The following ATP8A1 variants were observed in gnomAD, a reference collection of about 807,000 sequenced individuals.
ATP8A1 encodes ATPase phospholipid transporting 8A1, also known as phospholipid-transporting ATPase IA.
A neutral mutation model predicts 177.7 loss-of-function variants in ATP8A1; 90 were observed. The observed-to-expected ratio is 0.51, with a 90% CI of 0.43 to 0.60. The LOEUF (loss-of-function observed/expected upper bound fraction) is 0.60. ATP8A1 is among the 20% of genes least tolerant of loss of function. The pLI, the probability that ATP8A1 is intolerant of heterozygous loss-of-function variation, is 0.00. For missense variants in ATP8A1, 1,072 were observed against 1,392.8 expected, an observed-to-expected ratio of 0.77 and a Z score of 3.67; for synonymous variants, 493 against 485.9, an observed-to-expected ratio of 1.01 and a Z score of -0.19.
chr4:42,480,338 TTCAG>T (rs1290489124), intron 25 of ATP8A1, among the ~76,000 whole-genome samples: 2 of 152,192 alleles, frequency 1.3e-5, no homozygotes, highest in African/African-American at 4.8e-5. Flanking sequence ...ATAAAGTGTA[TTCAG>T]TGTGTCCTCT....
chr4:42,575,761 A>G, intron 12 of ATP8A1, 62 bp from the exon 13 acceptor site: 1 of 1,363,594 alleles, frequency 7.3e-7, no homozygotes, highest in African/African-American at 1.4e-5. Context: ...GTGAAACTTT[A>G]AAAGAAAACA....
chr4:42,564,095 G>C (rs925785824), intron 15 of ATP8A1, among the ~76,000 whole-genome samples: 4 of 152,148 alleles, frequency 2.6e-5, no homozygotes, highest in Non-Finnish European at 5.9e-5. Flanking sequence ...ATTCTGTCTG[G>C]GGTTGCGGGG....
intron 27 of ATP8A1, among the ~76,000 whole-genome samples, chr4:42,456,984 A>G (rs1718558117): frequency 6.6e-6 from 1 of 152,338 alleles, no homozygotes; most frequent in Admixed American, 6.5e-5. Context: ...GAGCATGTAT[A>G]AAAACTAATG....
chr4:42,444,469 G>A, intron 32 of ATP8A1, 109 bp downstream of exon 32: 1 of 1,033,804 alleles, frequency 9.7e-7, no homozygotes, highest in Non-Finnish European at 1.4e-6. Context: ...TGTGGACTAG[G>A]ACATATTAAC....
intron 17 of ATP8A1, 51 bp downstream of exon 17, chr4:42,552,454 A>G: frequency 7.0e-7 from 1 of 1,435,020 alleles, no homozygotes; most frequent in Non-Finnish European, 9.7e-7. Context: ...TGACTTTTAC[A>G]TTCAGAACAA....
chr4:42,604,303 C>T (rs949558279), intron 5 of ATP8A1, among the ~76,000 whole-genome samples: 4 of 152,182 alleles, frequency 2.6e-5, no homozygotes, highest in African/African-American at 9.7e-5. Context: ...CACAGTTTTA[C>T]TGTATACTTA....
intron 33 of ATP8A1, among the ~76,000 whole-genome samples, chr4:42,425,537 A>T (rs1466859178): frequency 6.6e-6 from 1 of 151,992 alleles, no homozygotes; most frequent in Non-Finnish European, 1.5e-5. Flanking sequence ...AAAGACAGAG[A>T]GTCTCTTTGT....
At chr4:42,583,025 C>T (rs1241116682) in intron 9 of ATP8A1, among the ~76,000 whole-genome samples, 1 of 152,032 alleles carries the variant, frequency 6.6e-6, no homozygotes. Flanking sequence ...AAGAAGGAAA[C>T]AATTCCACAA....
Position 42,413,004 on chromosome 4 carries a change from G to A in ATP8A1, c.3407C>T (p.Ala1136Val). Reference sequence around the variant, plus strand: ...GATTCCATTTTCATCTTGAGAGAACGCATACCCATCTGTAGGTTAATGATA... The same window carrying A: ...GATTCCATTTTCATCTTGAGAGAACACATACCCATCTGTAGGTTAATGATA... ...SLQQNLLHGY[A>V]FSQDENGIVS... Residue 1136 changes from alanine (A) to valine (V), a missense_variant, in exon 37 of 37, where the codon GCG becomes GTG. By Grantham distance (64) the Ala-to-Val change is moderately conservative. Coordinates refer to ENST00000381668, the MANE Select transcript of ATP8A1 (RefSeq NM_006095.2). 1 of 1,612,574 alleles carries A rather than the reference G, an allele frequency of 6.2e-7. No homozygotes were observed. Among genetic ancestry groups the A allele is most frequent in the East Asian group, 2.2e-5 (1 of 44,864 alleles).
At chr4:42,502,467 G>A (rs1723950954) in intron 24 of ATP8A1, among the ~76,000 whole-genome samples, 1 of 152,124 alleles carries the variant, frequency 6.6e-6, no homozygotes. Context: ...AAAGATGATG[G>A]CAAGAATAAG....
intron 35 of ATP8A1, among the ~76,000 whole-genome samples, chr4:42,417,176 T>A (rs1039016026): frequency 1.3e-5 from 2 of 152,178 alleles, no homozygotes; most frequent in Non-Finnish European, 2.9e-5. Context: ...TCTTACACCT[T>A]TGGGGAACTA....
At chr4:42,474,920 A>G (rs1720881533) in intron 25 of ATP8A1, among the ~76,000 whole-genome samples, 1 of 152,190 alleles carries the variant, frequency 6.6e-6, no homozygotes, top group African/African-American at 2.4e-5. Flanking sequence ...AAAAAGAAAC[A>G]AAATCATAAT....
At chr4:42,583,260 T>C (rs551178622) in intron 9 of ATP8A1, among the ~76,000 whole-genome samples, 1 of 152,186 alleles carries the variant, frequency 6.6e-6, no homozygotes, top group Non-Finnish European at 1.5e-5. Flanking sequence ...TGTATTCCAA[T>C]TTAGAGAAAG....
intron 27 of ATP8A1, among the ~76,000 whole-genome samples, chr4:42,462,590 G>T (rs1719293739): frequency 6.6e-6 from 1 of 152,254 alleles, no homozygotes; most frequent in Admixed American, 6.5e-5. Flanking sequence ...TTTGCTGCAG[G>T]GGCAGGGCTC....
At chr4:42,638,098 C>T (rs974269523) in intron 1 of ATP8A1, among the ~76,000 whole-genome samples, 12 of 152,150 alleles carry the variant, frequency 7.9e-5, no homozygotes, top group Non-Finnish European at 1.6e-4. Context: ...CTTCTGTGCA[C>T]TAAATGTTTG....
At chr4:42,608,946 A>C (rs1736096901) in intron 5 of ATP8A1, among the ~76,000 whole-genome samples, 1 of 152,220 alleles carries the variant, frequency 6.6e-6, no homozygotes, top group African/African-American at 2.4e-5. Flanking sequence ...AGTGTGGCAC[A>C]AACTGACATG....
chr4:42,438,532 A>C (rs916796066), intron 33 of ATP8A1, among the ~76,000 whole-genome samples: 8 of 152,168 alleles, frequency 5.3e-5, no homozygotes, highest in African/African-American at 1.9e-4. Context: ...TTCTCTAAAT[A>C]GGGTTGAGGG....
chr4:42,626,735 A>G lies in ATP8A1; in HGVS notation c.164+260T>C, dbSNP rs987649475. 4 of 481,414 alleles carry G rather than the reference A, an allele frequency of 8.3e-6. No individual in the cohort carries two copies. The Admixed American group carries it at 1.0e-4, about 12-fold the overall frequency. 29.8% of individuals were successfully genotyped at this position (481,414 alleles called of 1,614,324 possible). On this transcript the variant is annotated intron_variant, in intron 2 of 36. Transcript: ENST00000381668. ...AGGTTTAGGACAGAGGCATTTACAC[A>G]TAAGCAGCTTTCATTATTCAATATC... is the stretch of plus-strand genomic sequence containing the variant.
intron 20 of ATP8A1, among the ~76,000 whole-genome samples, chr4:42,543,182 A>T (rs191308931): frequency 6.6e-6 from 1 of 152,320 alleles, no homozygotes; most frequent in East Asian, 1.9e-4. Context: ...AATGAATTTA[A>T]ATAATAGGCT....
Sources: gnomAD v4.1 joint callset for allele counts (sites outside exome capture counted in the v4.1 genomes callset) on GRCh38, gnomAD v4.1.1 for gene constraint, MANE v1.5 for transcripts, NCBI Gene and HGNC (gene_info 2026-07-23, HGNC 2026-07-21) for gene names.